Variants in SLIT2 observed in about 807,000 individuals in gnomAD.
The protein encoded by SLIT2 is slit homolog 2 protein.
In SLIT2, 41 loss-of-function variants were observed where a neutral mutation model predicts 185.7. That is an observed-to-expected ratio of 0.22 (90% CI 0.17 to 0.29). The LOEUF is 0.29. SLIT2 is among the 10% of genes least tolerant of loss of function. The pLI is 1.00. For synonymous variants in SLIT2, 693 were observed against 680.2 expected (o/e 1.02, Z -0.29); for missense variants, 1,571 against 1,909.0 (o/e 0.82, Z 3.30).
At chr4:20,439,794 T>C (rs1729615514) in intron 4 of SLIT2, among the ~76,000 whole-genome samples, 1 of 152,196 alleles carries the variant, frequency 6.6e-6, no homozygotes, top group Non-Finnish European at 1.5e-5. Context: ...GATTTAGTAA[T>C]ATGTATTAAG....
chr4:20,280,191 G>A (rs906330820), intron 4 of SLIT2, among the ~76,000 whole-genome samples: 5 of 151,858 alleles, frequency 3.3e-5, no homozygotes, highest in African/African-American at 1.2e-4. Flanking sequence ...AAATTAGCTG[G>A]GCGTGGTGGC....
chr4:20,397,908 A>G (rs1414019462), intron 4 of SLIT2, among the ~76,000 whole-genome samples: 1 of 151,840 alleles, frequency 6.6e-6, no homozygotes, highest in Non-Finnish European at 1.5e-5. Flanking sequence ...GGGAGAAGTC[A>G]AAGATGATAC....
rs143671592 is a variant in SLIT2, at chr4:20,382,821, A to G, written c.396-84931A>G. Among the ~76,000 whole-genome samples, 1,016 of 152,254 alleles carry G rather than the reference A, an allele frequency of 6.7e-3. 13 individuals are homozygous for G. Among genetic ancestry groups the G allele is most frequent in the African/African-American group, 0.023 (971 of 41,556 alleles). On this transcript the variant is annotated intron_variant, in intron 4 of 36. Transcript: ENST00000504154. ...AGTATAAAATTGATATGGAGATGAA[A>G]TACAAAGTTTGAATAGCCAAAGTAA...
intron 4 of SLIT2, among the ~76,000 whole-genome samples, chr4:20,396,783 T>G (rs888840354): frequency 1.3e-5 from 2 of 148,740 alleles, no homozygotes; most frequent in Non-Finnish European, 3.0e-5. Context: ...GCATATGTGG[T>G]TTTTTTTGTT....
At chr4:20,553,222 A>G (rs1022861173) in intron 25 of SLIT2, among the ~76,000 whole-genome samples, 1 of 152,078 alleles carries the variant, frequency 6.6e-6, no homozygotes, top group Non-Finnish European at 1.5e-5. Flanking sequence ...CTTAACTCTA[A>G]CTATCCTACA....
intron 6 of SLIT2, 106 bp from the exon 7 acceptor site, chr4:20,486,094 G>C: frequency 1.4e-6 from 1 of 695,592 alleles, no homozygotes; most frequent in Non-Finnish European, 2.6e-6. Context: ...CTACCAGGTA[G>C]CTGTCCTGCA....
At chr4:20,316,162 A>G (rs1475562542) in intron 4 of SLIT2, among the ~76,000 whole-genome samples, 1 of 152,032 alleles carries the variant, frequency 6.6e-6, no homozygotes, top group African/African-American at 2.4e-5. Flanking sequence ...GGAGGAAAAA[A>G]TATTTATTCT....
chr4:20,596,018 C>T (rs1449743291), intron 31 of SLIT2, among the ~76,000 whole-genome samples, 184 bp downstream of exon 31: 1 of 152,158 alleles, frequency 6.6e-6, no homozygotes, highest in African/African-American at 2.4e-5. Context: ...GATTATTATG[C>T]ATTACATGCC....
intron 1 of SLIT2, among the ~76,000 whole-genome samples, chr4:20,256,084 T>C (rs1385471529): frequency 6.6e-6 from 1 of 152,190 alleles, no homozygotes; most frequent in Non-Finnish European, 1.5e-5. Context: ...CGGGGTTCCC[T>C]GAGCTGCAAA....
At chr4:20,482,243 A>G (rs1014231894) in intron 6 of SLIT2, among the ~76,000 whole-genome samples, 2 of 152,018 alleles carry the variant, frequency 1.3e-5, no homozygotes, top group Non-Finnish European at 2.9e-5. Flanking sequence ...AGAAATATGA[A>G]TGATACCAAT....
intron 4 of SLIT2, among the ~76,000 whole-genome samples, chr4:20,454,463 T>C (rs1052483634): frequency 6.6e-6 from 1 of 152,184 alleles, no homozygotes; most frequent in African/African-American, 2.4e-5. Context: ...GCATACTCAT[T>C]TACCGTCCAC....
At chr4:20,498,736 G>A (rs1055226411) in intron 9 of SLIT2, among the ~76,000 whole-genome samples, 1 of 152,144 alleles carries the variant, frequency 6.6e-6, no homozygotes, top group Non-Finnish European at 1.5e-5. Flanking sequence ...TGTTGCTGGA[G>A]AGGACATGAT....
At chr4:20,574,780 C>T (rs908955473) in intron 29 of SLIT2, among the ~76,000 whole-genome samples, 1 of 128,482 alleles carries the variant, frequency 7.8e-6, no homozygotes, top group Non-Finnish European at 1.6e-5. Context: ...GAGTGAGACT[C>T]GCTTTCAAAA....
At position 20,369,961 on chromosome 4, in the gene SLIT2, C is replaced by T. The variant is rs186597002; in HGVS notation, c.396-97791C>T. ...TAGTATCTGGAAAGAACTTTCCTTACGTGAATGATTCTTGAAGTGTTTTCT... is the reference window on the plus strand; with the variant it reads ...TAGTATCTGGAAAGAACTTTCCTTATGTGAATGATTCTTGAAGTGTTTTCT... On this transcript the variant is annotated intron_variant, in intron 4 of 36. Coordinates refer to ENST00000504154, the MANE Select transcript of SLIT2 (RefSeq NM_004787.4). Among the ~76,000 whole-genome samples the T allele has an allele frequency of 3.9e-5, 6 of 152,188 alleles. No homozygotes were observed. In the East Asian group the frequency reaches 7.8e-4, roughly 20 times the overall value.
chr4:20,291,410 C>CTCTGACCAT (rs1715801345), intron 4 of SLIT2, among the ~76,000 whole-genome samples: 1 of 135,796 alleles, frequency 7.4e-6, no homozygotes, highest in African/African-American at 2.8e-5. Context: ...CCAGCATGCA[C>CTCTGACCAT]TCTGACCATT....
chr4:20,457,058 A>G (rs1577692150), intron 4 of SLIT2, among the ~76,000 whole-genome samples: 1 of 152,234 alleles, frequency 6.6e-6, no homozygotes, highest in Non-Finnish European at 1.5e-5. Flanking sequence ...ATTCCCTAAG[A>G]AAGACACCAA....
At chr4:20,408,679 C>T (rs1726963468) in intron 4 of SLIT2, among the ~76,000 whole-genome samples, 1 of 152,106 alleles carries the variant, frequency 6.6e-6, no homozygotes, top group South Asian at 2.1e-4. Flanking sequence ...TGTGGAAACC[C>T]AGCTTCTATC....
At chr4:20,510,448 C>T (rs773643379) in intron 9 of SLIT2, 47 bp from the exon 10 acceptor site, 5 of 1,185,964 alleles carry the variant, frequency 4.2e-6, no homozygotes, top group Admixed American at 3.4e-5. Flanking sequence ...TAAACATGTC[C>T]GAAGGTTCAC....
chr4:20,532,743 A>G (rs1721917880), intron 17 of SLIT2, among the ~76,000 whole-genome samples: 1 of 152,204 alleles, frequency 6.6e-6, no homozygotes, highest in African/African-American at 2.4e-5. Flanking sequence ...CGAACAGACT[A>G]CTTGTACAGA....
Sources: allele counts gnomAD v4.1 joint callset (sites outside exome capture counted in the v4.1 genomes callset), GRCh38; gene constraint gnomAD v4.1.1; transcripts MANE v1.5; gene names NCBI Gene and HGNC (gene_info 2026-07-23, HGNC 2026-07-21).